The following SGPP2 variants were observed in gnomAD, a reference collection of about 807,000 sequenced individuals.
SGPP2 encodes the protein sphingosine 1-phosphate phosphohydrolase 2.
SGPP2 carries 30 observed loss-of-function variants against 33.9 expected under a neutral mutation model. The ratio of observed to expected loss-of-function variants is 0.89; its 90% CI spans 0.66 to 1.20. The LOEUF is 1.20. SGPP2 is among the 50% of genes most tolerant of loss of function. The pLI is 0.00. For missense variants in SGPP2, 458 were observed against 532.1 expected, an observed-to-expected ratio of 0.86 and a Z score of 1.37; for synonymous variants, 233 against 225.0, an observed-to-expected ratio of 1.04 and a Z score of -0.32.
intron 1 of SGPP2, among the ~76,000 whole-genome samples, chr2:222,468,208 G>T (rs1253679119): frequency 1.3e-5 from 2 of 152,020 alleles, no homozygotes; most frequent in Non-Finnish European, 2.9e-5. Flanking sequence ...GAAGGACTGG[G>T]GCGTGGGGCG....
intron 1 of SGPP2, among the ~76,000 whole-genome samples, chr2:222,426,709 G>A (rs995825287): frequency 2.6e-5 from 4 of 152,188 alleles, no homozygotes; most frequent in Non-Finnish European, 5.9e-5. Context: ...ATAAACTTGA[G>A]AGTGCTTGAT....
chr2:222,442,312 G>A (rs1056308880), intron 1 of SGPP2, among the ~76,000 whole-genome samples: 4 of 152,148 alleles, frequency 2.6e-5, no homozygotes, highest in African/African-American at 9.7e-5. Flanking sequence ...AACGTCTTGG[G>A]CATGCTTTTT....
chr2:222,523,803 G>A (rs747931120), intron 3 of SGPP2, among the ~76,000 whole-genome samples: 1 of 152,056 alleles, frequency 6.6e-6, no homozygotes, highest in Non-Finnish European at 1.5e-5. Flanking sequence ...AAAAATGTGT[G>A]TTGAGGCTGC....
At chr2:222,474,902 T>C (rs888450961) in intron 2 of SGPP2, among the ~76,000 whole-genome samples, 176 bp downstream of exon 2, 1 of 151,950 alleles carries the variant, frequency 6.6e-6, no homozygotes, top group African/African-American at 2.4e-5. Context: ...CAACTTGTGT[T>C]CCCTGAACAG....
intron 1 of SGPP2, among the ~76,000 whole-genome samples, chr2:222,450,765 G>T (rs1407078285): frequency 6.6e-6 from 1 of 152,178 alleles, no homozygotes; most frequent in Non-Finnish European, 1.5e-5. Context: ...TGAAAAGGGG[G>T]TTGGTACCAA....
At chr2:222,472,723 C>T (rs1477502048) in intron 1 of SGPP2, among the ~76,000 whole-genome samples, 1 of 152,168 alleles carries the variant, frequency 6.6e-6, no homozygotes. Context: ...GGGAGCAGAC[C>T]AGTTTTAGGG....
chr2:222,546,546 G>A (rs911426279), intron 4 of SGPP2, among the ~76,000 whole-genome samples: 34 of 152,206 alleles, frequency 2.2e-4, no homozygotes, highest in African/African-American at 8.2e-4. Flanking sequence ...TATGTAGAAG[G>A]GATATAAAGT....
At chr2:222,525,097 A>T in intron 4 of SGPP2, 64 bp downstream of exon 4, 1 of 1,142,918 alleles carries the variant, frequency 8.7e-7, no homozygotes, top group Non-Finnish European at 1.3e-6. Flanking sequence ...GTGTGTCAAT[A>T]TGTTTCTCAT....
intron 4 of SGPP2, among the ~76,000 whole-genome samples, chr2:222,539,699 G>A (rs1409794937): frequency 6.6e-6 from 1 of 152,178 alleles, no homozygotes; most frequent in Non-Finnish European, 1.5e-5. Flanking sequence ...GAGGAAGATG[G>A]CTTCAACCTC....
At chr2:222,508,898 C>T (rs1016718038) in intron 2 of SGPP2, among the ~76,000 whole-genome samples, 1 of 151,980 alleles carries the variant, frequency 6.6e-6, no homozygotes, top group Admixed American at 6.6e-5. Flanking sequence ...CTTCTCCCAG[C>T]GTTACACACA....
rs544299586 is a variant in SGPP2, at chr2:222,494,422, C to A, written c.378+19696C>A. ...ATGTTCACGAATGAGCAAATATACT[C>A]CTTATGAAATTTCAGAGAAATGGGT... is the stretch of plus-strand genomic sequence containing the variant. On this transcript the variant is annotated intron_variant, in intron 2 of 4. Transcript: ENST00000321276. Among the ~76,000 whole-genome samples, 81 of 152,314 alleles carry A rather than the reference C, an allele frequency of 5.3e-4. No individual in the cohort carries two copies. The South Asian group carries it at 7.5e-3, about 14-fold the overall frequency.
upstream of SGPP2, chr2:222,424,532 G>C: frequency 1.9e-6 from 2 of 1,061,790 alleles, no homozygotes; most frequent in Non-Finnish European, 2.4e-6. Flanking sequence ...GGGCGAGGCG[G>C]GAGTGGCGGT....
rs1345031720 is a variant in SGPP2, at chr2:222,424,575, G to A, written c.-28G>A. The A allele has an allele frequency of 2.5e-6, 3 of 1,214,480 alleles. No homozygotes were observed. Among genetic ancestry groups the A allele is most frequent in the Non-Finnish European group, 3.1e-6 (3 of 973,308 alleles). 75.2% of individuals were successfully genotyped at this position (1,214,480 alleles called of 1,614,324 possible). ...GAGGGCACCGGCCCGGCGTGGCAGC[G>A]GCGGCGGAGCGCGGCCCCGGGCACA... On this transcript the variant is annotated 5_prime_UTR_variant, in exon 1 of 5. Transcript: ENST00000321276.
At chr2:222,512,862 T>A (rs1698550944) in intron 2 of SGPP2, among the ~76,000 whole-genome samples, 1 of 152,224 alleles carries the variant, frequency 6.6e-6, no homozygotes, top group Admixed American at 6.5e-5. Context: ...CACAGTTTAT[T>A]TATTCATTTA....
At chr2:222,469,809 T>A (rs1697810659) in intron 1 of SGPP2, among the ~76,000 whole-genome samples, 1 of 152,222 alleles carries the variant, frequency 6.6e-6, no homozygotes, top group Non-Finnish European at 1.5e-5. Flanking sequence ...CAAATATGTG[T>A]TGTTTTATGT....
chr2:222,517,737 C>T (rs2106130390), intron 2 of SGPP2, among the ~76,000 whole-genome samples: 1 of 152,326 alleles, frequency 6.6e-6, no homozygotes, highest in African/African-American at 2.4e-5. Context: ...AGCATTTGCC[C>T]AGGCTCCCTG....
In SGPP2 at chr2:222,476,508, C is replaced by T. The variant is rs1462683468; in HGVS notation, c.378+1782C>T. Among the ~76,000 whole-genome samples the T allele has an allele frequency of 6.6e-6, 1 of 152,088 alleles. No individual in the cohort carries two copies. The highest frequency in any genetic ancestry group is 6.5e-5 in the Admixed American group (1 of 15,274). On this transcript the variant is annotated intron_variant, in intron 2 of 4. Transcript: ENST00000321276. The surrounding 1 kb of genome is among the most constrained non-coding windows in gnomAD (Gnocchi z 4.3). ...GGCATCTTGCAAATCATAAAGAGAA[C>T]GTTAGTCCAGTTGTCCCTCCCCGTT...
intron 1 of SGPP2, among the ~76,000 whole-genome samples, chr2:222,462,443 C>T (rs1358823594): frequency 2.0e-5 from 3 of 152,076 alleles, no homozygotes; most frequent in African/African-American, 7.2e-5. Context: ...GGCTTGTTTG[C>T]TGTAGGGGTC....
chr2:222,512,041 G>T (rs1698537340), intron 2 of SGPP2, among the ~76,000 whole-genome samples: 1 of 150,948 alleles, frequency 6.6e-6, no homozygotes, highest in African/African-American at 2.4e-5. Flanking sequence ...TTGAGACAGA[G>T]TCTTGCTCTG....
Sources: gnomAD v4.1 joint callset for allele counts (sites outside exome capture counted in the v4.1 genomes callset) on GRCh38, gnomAD v4.1.1 for gene constraint, Gnocchi (gnomAD v3.1) non-coding constraint, MANE v1.5 for transcripts, NCBI Gene and HGNC (gene_info 2026-07-23, HGNC 2026-07-21) for gene names.